NWD2: variants seen among roughly 807,000 people sequenced by gnomAD.
NWD2 encodes the protein NACHT and WD repeat domain-containing protein 2.
NWD2 carries 37 observed loss-of-function variants against 132.7 expected under a neutral mutation model. The observed-to-expected ratio is 0.28, with a 90% CI of 0.21 to 0.37. The LOEUF is 0.37. Ranked by LOEUF, NWD2 falls within the 10% of genes least tolerant of loss-of-function variation. The pLI is 1.00. For synonymous variants in NWD2, 705 were observed against 803.0 expected (o/e 0.88, Z 2.06); for missense variants, 1,592 against 2,122.4 (o/e 0.75, Z 4.91).
chr4:37,305,466 C>T (rs1309885548), intron 1 of NWD2, among the ~76,000 whole-genome samples: 2 of 152,202 alleles, frequency 1.3e-5, no homozygotes, highest in Non-Finnish European at 2.9e-5. Flanking sequence ...CTCTGTTTCC[C>T]TTTTAAATAT....
At chr4:37,334,210 A>G (rs1719353378) in intron 2 of NWD2, among the ~76,000 whole-genome samples, 1 of 152,214 alleles carries the variant, frequency 6.6e-6, no homozygotes, top group Non-Finnish European at 1.5e-5. Flanking sequence ...TAGAACACCA[A>G]ACAGATTTAA....
intron 3 of NWD2, among the ~76,000 whole-genome samples, chr4:37,405,682 ATGTT>A (rs1455719405): frequency 6.6e-6 from 1 of 152,228 alleles, no homozygotes; most frequent in Non-Finnish European, 1.5e-5. Flanking sequence ...CAGTCAAAAA[ATGTT>A]TGAGAAAAAC....
intron 1 of NWD2, among the ~76,000 whole-genome samples, chr4:37,300,615 T>G (rs1190419684): frequency 6.6e-6 from 1 of 152,068 alleles, no homozygotes; most frequent in Non-Finnish European, 1.5e-5. Flanking sequence ...TATGACCTAT[T>G]TCAGAAAGAG....
intron 2 of NWD2, among the ~76,000 whole-genome samples, chr4:37,334,024 G>GA (rs1719348164): frequency 6.6e-6 from 1 of 151,716 alleles, no homozygotes; most frequent in Non-Finnish European, 1.5e-5. Flanking sequence ...ACACAGAGGA[G>GA]AAAAAAGAAT....
Position 37,445,625 on chromosome 4 carries a change from G to C in NWD2, c.3637G>C (p.Glu1213Gln). 6.4e-7 allele frequency: 1 copy of C among 1,552,276 alleles called. No individual in the cohort carries two copies. Among genetic ancestry groups the C allele is most frequent in the Non-Finnish European group, 8.7e-7 (1 of 1,147,128 alleles). Residue 1213 changes from glutamate to glutamine, a missense_variant, in exon 7 of 7, where the codon GAG becomes CAG. Around this residue, in one of 7 missense-constraint regions of NWD2, gnomAD observed 1,071 missense variants for 1,398.0 expected, o/e 0.77. Transcript: ENST00000309447. The surrounding 1 kb of genome is among the most constrained non-coding windows in gnomAD (Gnocchi z 4.7). The stretch of plus-strand genomic sequence containing the variant: ...TCTGATCTGTAAAGCCCTCAGCATT[G>C]AGCTCTTAGATACTGGTCTGTGGAA... ...AVLICKALSI[E>Q]LLDTGLWKVA...
intron 1 of NWD2, among the ~76,000 whole-genome samples, chr4:37,320,885 C>T (rs538422299): frequency 6.6e-6 from 1 of 152,250 alleles, no homozygotes; most frequent in East Asian, 1.9e-4. Flanking sequence ...AGGTTGGGTG[C>T]ACTGGCTTAC....
At chr4:37,257,887 CACAG>C (rs1267541850) in intron 1 of NWD2, among the ~76,000 whole-genome samples, 2 of 152,120 alleles carry the variant, frequency 1.3e-5, no homozygotes, top group African/African-American at 4.8e-5. Context: ...CTTTTGAAAC[CACAG>C]GTAGCCAACA....
intron 2 of NWD2, among the ~76,000 whole-genome samples, chr4:37,348,673 T>C (rs62301450): frequency 0.47 from 13,092 of 27,904 alleles, 2,579 homozygotes; most frequent in Middle Eastern, 0.53. Flanking sequence ...TATATATATA[T>C]ATACACACAC....
At chr4:37,310,256 AGTTTTATTCTAGC>A (rs749200985) in intron 1 of NWD2, among the ~76,000 whole-genome samples, 2 of 152,204 alleles carry the variant, frequency 1.3e-5, no homozygotes, top group Non-Finnish European at 2.9e-5. Flanking sequence ...TGTGTTATTT[AGTTTTATTCTAGC>A]TATGCAACAC....
At chr4:37,310,960 A>C (rs1718828387) in intron 1 of NWD2, among the ~76,000 whole-genome samples, 1 of 151,848 alleles carries the variant, frequency 6.6e-6, no homozygotes, top group African/African-American at 2.4e-5. Context: ...AAAGGACATG[A>C]ACTCATCATT....
chr4:37,360,846 C>T (rs718450), intron 3 of NWD2, among the ~76,000 whole-genome samples: 3,818 of 152,262 alleles, frequency 0.025, 69 homozygotes, highest in Middle Eastern at 0.065. Context: ...CTTGTCATCC[C>T]TCCAAATGTG....
At chr4:37,360,563 C>T (rs1719962209) in intron 3 of NWD2, among the ~76,000 whole-genome samples, 1 of 152,150 alleles carries the variant, frequency 6.6e-6, no homozygotes, top group Non-Finnish European at 1.5e-5. Context: ...CAAGGCAGCC[C>T]CTAGCAGGGA....
At position 37,439,325 on chromosome 4, in the gene NWD2, C is replaced by G; in HGVS notation, c.1231C>G (p.Pro411Ala). The G allele has an allele frequency of 6.5e-7, 1 of 1,545,086 alleles. No homozygotes were observed. Among genetic ancestry groups the G allele is most frequent in the South Asian group, 1.2e-5 (1 of 82,864 alleles). ...TCCAAGCAAAGCTGGACACATCAAC[C>G]CTCTTATTATATATGGTGGGCCATG... Reference protein sequence around the residue: ...ILPSKAGHINPLIIYGGPCTG... With the variant: ...ILPSKAGHINALIIYGGPCTG... The change falls in exon 6 of 7, where the codon CCT becomes GCT. Residue 411 changes from proline (P) to alanine (A), a missense_variant. Physicochemically the swap from Pro to Ala is conservative, Grantham distance 27. Around this residue, in one of 7 missense-constraint regions of NWD2, gnomAD observed 1,071 missense variants for 1,398.0 expected, o/e 0.77. Coordinates refer to ENST00000309447, the MANE Select transcript of NWD2 (RefSeq NM_001144990.2). The surrounding 1 kb of genome is among the most constrained non-coding windows in gnomAD (Gnocchi z 4.5).
intron 3 of NWD2, among the ~76,000 whole-genome samples, chr4:37,420,995 C>T (rs1711792693): frequency 6.6e-6 from 1 of 152,130 alleles, no homozygotes; most frequent in Non-Finnish European, 1.5e-5. Flanking sequence ...ATAACACAGA[C>T]ATTTCACTTT....
At chr4:37,288,272 A>T (rs1946694) in intron 1 of NWD2, among the ~76,000 whole-genome samples, 90,183 of 152,086 alleles carry the variant, frequency 0.59, 27,191 homozygotes, top group African/African-American at 0.71. Flanking sequence ...CTCAGAACTT[A>T]AAAGTAAAAC....
chr4:37,437,098 A>G (rs535649519), intron 5 of NWD2, among the ~76,000 whole-genome samples: 1 of 152,136 alleles, frequency 6.6e-6, no homozygotes, highest in Admixed American at 6.5e-5. Flanking sequence ...ACCCTTCTTA[A>G]TAGTTACATT....
intron 3 of NWD2, among the ~76,000 whole-genome samples, chr4:37,368,802 A>G (rs1481116778): frequency 6.6e-6 from 1 of 152,196 alleles, no homozygotes. Flanking sequence ...ATTTGAGGCC[A>G]GACCTTCTAA....
At chr4:37,289,389 C>T (rs559577012) in intron 1 of NWD2, among the ~76,000 whole-genome samples, 1 of 152,220 alleles carries the variant, frequency 6.6e-6, no homozygotes, top group Admixed American at 6.5e-5. Flanking sequence ...TTTTTGGCAA[C>T]ATTTTATGAT....
chr4:37,253,900 G>A (rs2109256278), intron 1 of NWD2, among the ~76,000 whole-genome samples: 1 of 152,296 alleles, frequency 6.6e-6, no homozygotes, highest in East Asian at 1.9e-4. Flanking sequence ...GATAAAGTAA[G>A]CCTAAGGTTC....
Sources: allele counts gnomAD v4.1 joint callset (sites outside exome capture counted in the v4.1 genomes callset), GRCh38; gene constraint gnomAD v4.1.1; regional missense constraint gnomAD v4.1.1; non-coding constraint Gnocchi (gnomAD v3.1); transcripts MANE v1.5; gene names NCBI Gene and HGNC (gene_info 2026-07-23, HGNC 2026-07-21).